Variants in SMYD4 observed in about 807,000 individuals in gnomAD.
The protein encoded by SMYD4 is SET and MYND domain containing 4, also known as protein-lysine N-methyltransferase SMYD4.
SMYD4 carries 68 observed loss-of-function variants against 72.8 expected under a neutral mutation model. That is an observed-to-expected ratio of 0.93 (90% CI 0.77 to 1.14). The LOEUF (loss-of-function observed/expected upper bound fraction) is 1.14. Among genes scored for constraint, SMYD4 ranks in the 50% most tolerant of loss-of-function variants. The probability of loss-of-function intolerance (pLI) is 0.00; values close to 1 mark genes in which losing one functional copy is unlikely to be tolerated. For synonymous variants in SMYD4, 407 were observed against 388.6 expected, an observed-to-expected ratio of 1.05 and a Z score of -0.56; for missense variants, 984 against 1,003.7, an observed-to-expected ratio of 0.98 and a Z score of 0.27.
chr17:1,784,223 C>A lies in SMYD4; in HGVS notation c.2020+103G>T. 9.9e-6 allele frequency: 15 copies of A among 1,515,450 alleles called. 1 individual carries two copies. Among genetic ancestry groups the A allele is most frequent in the Non-Finnish European group, 1.1e-5 (12 of 1,115,936 alleles). 93.9% of individuals were successfully genotyped at this position (1,515,450 alleles called of 1,614,324 possible). A position where few individuals can be genotyped will look rare whatever the true frequency, so the allele number is the denominator to read the frequency against. ...CTTGTGGCTGGCATGGGGATAATTA[C>A]ATCCAATTCTCCCATCAGTACTGAG... On this transcript the variant is annotated intron_variant, in intron 8 of 10. Coordinates refer to ENST00000305513, the MANE Select transcript of SMYD4 (RefSeq NM_052928.3).
intron 4 of SMYD4, among the ~76,000 whole-genome samples, chr17:1,801,891 G>A (rs550112747): frequency 7.9e-5 from 12 of 152,024 alleles, no homozygotes; most frequent in African/African-American, 2.7e-4. Flanking sequence ...CAGGAGAAAC[G>A]CTTGAACCTG....
In SMYD4 at chr17:1,781,431, A is replaced by G. The variant is rs1199376951; in HGVS notation, c.2270T>C (p.Val757Ala). 6.2e-7 allele frequency: 1 copy of G among 1,613,192 alleles called. No homozygotes were observed. The highest frequency in any genetic ancestry group is 1.1e-5 in the South Asian group (1 of 90,826). ...LAQIFFNGFA[V>A]PEALSTIQKA... is the part of the protein sequence containing the mutation. ...CTGTATTGTGCTCAGGGCTTCGGGT[A>G]CTGCAAACCTGAGCCAAGGGAGGTA... Residue 757 changes from valine (V) to alanine (A), a missense_variant, in exon 11 of 11, where the codon GTA becomes GCA. Transcript: ENST00000305513.
chr17:1,801,870 G>C (rs1702949551), intron 4 of SMYD4, among the ~76,000 whole-genome samples: 1 of 151,938 alleles, frequency 6.6e-6, no homozygotes, highest in African/African-American at 2.4e-5. Flanking sequence ...CAGCTACTCA[G>C]CAGGCTGAGG....
intron 5 of SMYD4, among the ~76,000 whole-genome samples, chr17:1,798,166 T>C (rs1346553575): frequency 6.6e-6 from 1 of 151,308 alleles, no homozygotes; most frequent in Non-Finnish European, 1.5e-5. Flanking sequence ...TGAGACAGGG[T>C]TTCACCCAGG....
chr17:1,811,317 G>T (rs2151244928), intron 3 of SMYD4, among the ~76,000 whole-genome samples: 1 of 152,270 alleles, frequency 6.6e-6, no homozygotes, highest in African/African-American at 2.4e-5. Flanking sequence ...CAGGACCACA[G>T]ATGCATGCCA....
chr17:1,781,266 G>C lies in SMYD4; in HGVS notation c.*20C>G, dbSNP rs749477248. ...TGTTCCATGGGCTCCTTTTCTGTGG[G>C]TCAAAATCCTCCTGGAACCCTACAA... On this transcript the variant is annotated 3_prime_UTR_variant, in exon 11 of 11. Coordinates refer to ENST00000305513, the MANE Select transcript of SMYD4 (RefSeq NM_052928.3). 7 of 1,604,736 alleles carry C rather than the reference G, an allele frequency of 4.4e-6. No homozygotes were observed. The South Asian group carries it at 7.8e-5, about 18-fold the overall frequency.
In SMYD4 at chr17:1,789,657, C is replaced by T. The variant is rs552770783; in HGVS notation, c.1538-2053G>A. Among the ~76,000 whole-genome samples the T allele has an allele frequency of 2.1e-4, 32 of 149,406 alleles. No homozygotes were observed. In the South Asian group the frequency reaches 4.7e-3, roughly 22 times the overall value. ...GCGTGCACCAGTAATCCCTGCTACT[C>T]GGGAGGCTGAAGCAGGAGAATCGCT... On this transcript the variant is annotated intron_variant, in intron 5 of 10. Coordinates refer to ENST00000305513, the MANE Select transcript of SMYD4 (RefSeq NM_052928.3).
intron 1 of SMYD4, among the ~76,000 whole-genome samples, chr17:1,828,722 G>A (rs1188134816): frequency 6.6e-6 from 1 of 151,324 alleles, no homozygotes; most frequent in Middle Eastern, 3.2e-3. Context: ...CTCAGCCTCC[G>A]AGTAGCTGGG....
At chr17:1,828,234 C>T (rs1418480842) in intron 1 of SMYD4, among the ~76,000 whole-genome samples, 2 of 151,734 alleles carry the variant, frequency 1.3e-5, no homozygotes, top group African/African-American at 4.8e-5. Context: ...ACTTGTAGTC[C>T]CAGCTACTCG....
At chr17:1,811,084 A>G (rs1261711441) in intron 3 of SMYD4, among the ~76,000 whole-genome samples, 1 of 152,250 alleles carries the variant, frequency 6.6e-6, no homozygotes, top group African/African-American at 2.4e-5. Flanking sequence ...GAGCTGGTTA[A>G]CACAAGCCGC....
intron 7 of SMYD4, among the ~76,000 whole-genome samples, chr17:1,785,306 G>C (rs1455927401): frequency 6.7e-6 from 1 of 150,278 alleles, no homozygotes; most frequent in Non-Finnish European, 1.5e-5. Flanking sequence ...GGCGCCTGTA[G>C]TCTCACCTAC....
At chr17:1,790,160 G>A (rs192747568) in intron 5 of SMYD4, among the ~76,000 whole-genome samples, 1 of 152,244 alleles carries the variant, frequency 6.6e-6, no homozygotes, top group East Asian at 1.9e-4. Context: ...CTGATAACTG[G>A]CAATCTATAT....
intron 5 of SMYD4, among the ~76,000 whole-genome samples, chr17:1,788,641 A>T (rs1908835454): frequency 6.6e-6 from 1 of 152,030 alleles, no homozygotes; most frequent in Non-Finnish European, 1.5e-5. Flanking sequence ...GCTACTCAGG[A>T]GGCTGAGGCA....
chr17:1,783,340 C>A lies in SMYD4; in HGVS notation c.2137+20G>T, dbSNP rs765287842. On this transcript the variant is annotated intron_variant, in intron 9 of 10. Transcript: ENST00000305513. ...ACAGCAGACTGTTCCCGACGCAGAA[C>A]GTGAAGGCTCATGCTGTACCTAAGG... 6.2e-7 allele frequency: 1 copy of A among 1,611,688 alleles called. No individual in the cohort carries two copies. The highest frequency in any genetic ancestry group is 8.5e-7 in the Non-Finnish European group (1 of 1,179,678).
At chr17:1,788,790 A>T (rs890739001) in intron 5 of SMYD4, among the ~76,000 whole-genome samples, 1 of 152,186 alleles carries the variant, frequency 6.6e-6, no homozygotes, top group Admixed American at 6.6e-5. Context: ...CATGGTGGAT[A>T]ATTAGCACTT....
intron 3 of SMYD4, among the ~76,000 whole-genome samples, chr17:1,811,371 AG>A (rs1466219984): frequency 6.6e-6 from 1 of 152,136 alleles, no homozygotes; most frequent in Non-Finnish European, 1.5e-5. Context: ...TGTGTGGAGA[AG>A]GGGTCTCCCT....
chr17:1,783,475 C>T lies in SMYD4; in HGVS notation c.2022G>A (p.Glu674=), dbSNP rs775815480. ...ACCCCGACAGCCGCTGAACAGCTCG[C>T]TCTGTCAATGCAGAGGAAAGACGTC... ...AQKLLRDGEL[E]RAVQRLSGCQ... The change falls in exon 9 of 11, where the codon GAG becomes GAA. Residue 674 remains glutamate, a splice_region_variant and synonymous_variant. Transcript: ENST00000305513. The T allele has an allele frequency of 6.2e-7, 1 of 1,605,374 alleles. No individual in the cohort carries two copies. Among genetic ancestry groups the T allele is most frequent in the South Asian group, 1.1e-5 (1 of 90,010 alleles).
At chr17:1,822,698 C>T (rs1035441461) in intron 2 of SMYD4, among the ~76,000 whole-genome samples, 3 of 152,048 alleles carry the variant, frequency 2.0e-5, no homozygotes, top group African/African-American at 7.2e-5. Context: ...CTCCTGACCT[C>T]AGGTGATCCA....
At chr17:1,812,207 C>T (rs1220351908) in intron 2 of SMYD4, 92 bp from the exon 3 acceptor site, 13 of 1,375,670 alleles carry the variant, frequency 9.4e-6, no homozygotes, top group South Asian at 3.9e-5. Context: ...AAAGTGGGCC[C>T]GCAAAACATT....
Sources: gnomAD v4.1 joint callset for allele counts (sites outside exome capture counted in the v4.1 genomes callset) on GRCh38, gnomAD v4.1.1 for gene constraint, MANE v1.5 for transcripts, NCBI Gene and HGNC (gene_info 2026-07-23, HGNC 2026-07-21) for gene names.